The following KIAA0232 variants were observed in gnomAD, a reference collection of about 807,000 sequenced individuals.
The protein encoded by KIAA0232 is KIAA0232.
Under a neutral mutation model 122.0 loss-of-function variants are expected in KIAA0232, and 27 were observed. The ratio of observed to expected loss-of-function variants is 0.22; its 90% confidence interval spans 0.16 to 0.31. KIAA0232 has a LOEUF of 0.31. KIAA0232 is among the 10% of genes least tolerant of loss of function. The pLI is 1.00. For missense variants in KIAA0232, 1,551 were observed against 1,634.2 expected (o/e 0.95, Z 0.88); for synonymous variants, 613 against 587.6 (o/e 1.04, Z -0.63).
chr4:6,866,232 A>G (rs1577412610), intron 7 of KIAA0232: 3 of 983,972 alleles, frequency 3.0e-6, no homozygotes, highest in South Asian at 9.4e-5. Flanking sequence ...AAGATTCTAC[A>G]TCATACCACT....
rs980912429 is a variant in KIAA0232 at position 6,883,362 on chromosome 4, A to G, written c.*2396A>G. Reference sequence around the variant, plus strand: ...GGAGTTAACACCAAATAAAAATTGTAAAAAACAGTTTGTTGTTTTTATTTC... The same window carrying G: ...GGAGTTAACACCAAATAAAAATTGTGAAAAACAGTTTGTTGTTTTTATTTC... On this transcript the variant is annotated 3_prime_UTR_variant, in exon 10 of 10. Coordinates refer to ENST00000307659, the MANE Select transcript of KIAA0232 (RefSeq NM_014743.3). 1.3e-5 allele frequency: 2 copies of G among 152,610 alleles called. No homozygotes were observed. Among genetic ancestry groups the G allele is most frequent in the African/African-American group, 2.4e-5 (1 of 41,430 alleles). The allele number at this position is 152,610 out of a possible 1,614,324, so 9.5% of individuals were successfully genotyped here.
At chr4:6,848,744 T>A (rs1207058695) in intron 4 of KIAA0232, among the ~76,000 whole-genome samples, 2 of 152,192 alleles carry the variant, frequency 1.3e-5, no homozygotes, top group African/African-American at 4.8e-5. Flanking sequence ...ATCAATACAA[T>A]GATAACATTT....
intron 1 of KIAA0232, among the ~76,000 whole-genome samples, chr4:6,786,301 A>G (rs972271010): frequency 2.6e-5 from 4 of 152,132 alleles, no homozygotes; most frequent in Non-Finnish European, 5.9e-5. Flanking sequence ...AAGTCTGCAA[A>G]TAAAGTTTGT....
At chr4:6,839,490 G>C (rs1156566258) in intron 3 of KIAA0232, among the ~76,000 whole-genome samples, 1 of 152,186 alleles carries the variant, frequency 6.6e-6, no homozygotes, top group Admixed American at 6.5e-5. Flanking sequence ...GTGCAAATGT[G>C]AATGCATCAA....
intron 1 of KIAA0232, among the ~76,000 whole-genome samples, chr4:6,783,564 C>T (rs1577347790): frequency 6.6e-6 from 1 of 152,228 alleles, no homozygotes; most frequent in African/African-American, 2.4e-5. Context: ...CCGTTCCCCT[C>T]CCCTCCAGCA....
In KIAA0232 at chr4:6,863,706, T is replaced by C. The variant is rs747468283; in HGVS notation, c.3324T>C (p.Phe1108=). The change falls in exon 7 of 10, where the codon TTT becomes TTC. Residue 1108 remains phenylalanine (F), a synonymous_variant. Transcript: ENST00000307659. ...TTCGGATCTCTCCTCGGACTCACTT[T>C]CGCCCAATTTCTGCATCCGAACTGT... ...RAIRISPRTH[F]RPISASELSP... The C allele has an allele frequency of 6.2e-7, 1 of 1,614,210 alleles. No individual in the cohort carries two copies.
rs752428517 is a variant in KIAA0232, at chr4:6,800,043, C to CTTTTTTTTTTTTTTT, written c.-353-4462_-353-4448dup. ...TTTCTTTTTCTTTCTTTCTTTCTTT[C>CTTTTTTTTTTTTTTT]TTTTTTTTTTTTTTTTTTTTTTTTT... On this transcript the variant is annotated intron_variant, in intron 1 of 9. Coordinates refer to ENST00000307659, the MANE Select transcript of KIAA0232 (RefSeq NM_014743.3). 4.6e-3 allele frequency among the ~76,000 whole-genome samples: 278 copies of CTTTTTTTTTTTTTTT among 59,998 alleles called. 26 individuals are homozygous for CTTTTTTTTTTTTTTT. The highest frequency in any genetic ancestry group is 6.8e-3 in the Non-Finnish European group (192 of 28,048). 39.4% of individuals were successfully genotyped at this position (59,998 alleles called of 152,430 possible).
rs895322927 is a variant in KIAA0232, at chr4:6,827,010, C to T, written c.231+2326C>T. Among the ~76,000 whole-genome samples, 20 of 152,230 alleles carry T rather than the reference C, an allele frequency of 1.3e-4. No homozygotes were observed. The South Asian group carries it at 2.7e-3, about 20-fold the overall frequency. ...TGATCCTCCCTCCAGAGTTCCGGTT[C>T]GTTCCTCAGGACACAGGACAGATAA... On this transcript the variant is annotated intron_variant, in intron 3 of 9. Transcript: ENST00000307659.
chr4:6,866,942 C>T (rs1318055763), intron 7 of KIAA0232, among the ~76,000 whole-genome samples: 1 of 152,200 alleles, frequency 6.6e-6, no homozygotes, highest in Non-Finnish European at 1.5e-5. Flanking sequence ...TGTATGTGTA[C>T]ATACACAGTG....
chr4:6,840,596 C>G (rs1336088376), intron 3 of KIAA0232, among the ~76,000 whole-genome samples: 3 of 152,160 alleles, frequency 2.0e-5, no homozygotes, highest in Non-Finnish European at 2.9e-5. Flanking sequence ...ATAATAGACT[C>G]TCATGCTGGG....
rs1718771888 is a variant in KIAA0232 at position 6,827,794 on chromosome 4, A to G, written c.231+3110A>G. On this transcript the variant is annotated intron_variant, in intron 3 of 9. Coordinates refer to ENST00000307659, the MANE Select transcript of KIAA0232 (RefSeq NM_014743.3). ...ACATTTGTGGTGGTGGGCTGGTTAC[A>G]ATGTAGTTCCAGAGAACCACTGCCT... 3.3e-5 allele frequency among the ~76,000 whole-genome samples: 5 copies of G among 152,276 alleles called. No individual in the cohort carries two copies. The South Asian group carries it at 1.0e-3, about 32-fold the overall frequency.
intron 4 of KIAA0232, among the ~76,000 whole-genome samples, chr4:6,842,440 C>G (rs1719713823): frequency 6.6e-6 from 1 of 152,044 alleles, no homozygotes; most frequent in Non-Finnish European, 1.5e-5. Context: ...AATTTTATAT[C>G]CTTTTTCCAA....
chr4:6,816,106 G>C (rs1243240602), intron 2 of KIAA0232, among the ~76,000 whole-genome samples: 1 of 152,038 alleles, frequency 6.6e-6, no homozygotes, highest in South Asian at 2.1e-4. Flanking sequence ...ACAGTGAAAC[G>C]AATATTTTAG....
intron 2 of KIAA0232, among the ~76,000 whole-genome samples, chr4:6,821,140 C>T (rs1169860857): frequency 1.3e-5 from 2 of 152,154 alleles, no homozygotes; most frequent in South Asian, 2.1e-4. Context: ...CATTTGCTGG[C>T]GATAAATTCC....
intron 8 of KIAA0232, among the ~76,000 whole-genome samples, chr4:6,872,428 G>T (rs985637274): frequency 6.6e-6 from 1 of 152,234 alleles, no homozygotes; most frequent in Non-Finnish European, 1.5e-5. Context: ...AGGGAGACAG[G>T]AGTGGGCGCT....
At chr4:6,872,063 C>T (rs1010048543) in intron 8 of KIAA0232, among the ~76,000 whole-genome samples, 7 of 152,142 alleles carry the variant, frequency 4.6e-5, no homozygotes, top group Admixed American at 1.3e-4. Context: ...TTGTAGCTGA[C>T]GCGGGAGAGA....
chr4:6,851,197 A>G (rs143476216), intron 4 of KIAA0232, among the ~76,000 whole-genome samples: 1 of 152,350 alleles, frequency 6.6e-6, no homozygotes, highest in East Asian at 1.9e-4. Context: ...TTAAGAGTTC[A>G]TCCTTCCTAG....
At chr4:6,857,613 T>C (rs1043751647) in intron 5 of KIAA0232, among the ~76,000 whole-genome samples, 2 of 152,230 alleles carry the variant, frequency 1.3e-5, no homozygotes. Context: ...TATCTGCCTG[T>C]TGATGTTAAG....
chr4:6,821,022 T>G (rs1030729767), intron 2 of KIAA0232, among the ~76,000 whole-genome samples: 4 of 152,152 alleles, frequency 2.6e-5, no homozygotes, highest in African/African-American at 4.8e-5. Context: ...TGACATGAAG[T>G]TGGAGCCCTC....
Sources: allele counts gnomAD v4.1 joint callset (sites outside exome capture counted in the v4.1 genomes callset), GRCh38; gene constraint gnomAD v4.1.1; transcripts MANE v1.5; gene names NCBI Gene and HGNC (gene_info 2026-07-23, HGNC 2026-07-21).